Variants in DOT1L observed in about 807,000 individuals in gnomAD.
The protein encoded by DOT1L is DOT1 like histone lysine methyltransferase, also known as histone-lysine N-methyltransferase, H3 lysine-79 specific.
A neutral mutation model predicts 153.3 loss-of-function variants in DOT1L; 33 were observed. The observed-to-expected ratio is 0.22, with a 90% CI of 0.16 to 0.29. The LOEUF (loss-of-function observed/expected upper bound fraction) is 0.29. Ranked by LOEUF, DOT1L falls within the 10% of genes least tolerant of loss-of-function variation. The pLI, the probability that DOT1L is intolerant of heterozygous loss-of-function variation, is 1.00. For missense variants in DOT1L, 1,847 were observed against 2,119.9 expected, an observed-to-expected ratio of 0.87 and a Z score of 2.53; for synonymous variants, 1,135 against 965.1, an observed-to-expected ratio of 1.18 and a Z score of -3.26.
intron 1 of DOT1L, among the ~76,000 whole-genome samples, chr19:2,172,718 T>TG (rs1480159915): frequency 1.3e-5 from 2 of 152,064 alleles, no homozygotes; most frequent in African/African-American, 4.8e-5. Flanking sequence ...TTAATCAGGC[T>TG]GGTCTCAAAC....
rs2023667417 is a variant in DOT1L at position 2,210,486 on chromosome 19, G to A, written c.1092G>A (p.Val364=). 1.1e-5 allele frequency: 18 copies of A among 1,593,036 alleles called. No homozygotes were observed. The highest frequency in any genetic ancestry group is 1.5e-5 in the Non-Finnish European group (18 of 1,171,466). The part of the protein sequence containing the change: ...ATPTKGPEGK[V]AGPADAPMDS... ...CCACTAAGGGCCCAGAGGGCAAGGTGGCCGGCCCCGCCGACGCCCCCATGG... is the reference window on the plus strand; with the variant it reads ...CCACTAAGGGCCCAGAGGGCAAGGTAGCCGGCCCCGCCGACGCCCCCATGG... The change falls in exon 13 of 28, where the codon GTG becomes GTA. Residue 364 remains valine (V), a synonymous_variant. Coordinates refer to ENST00000398665, the MANE Select transcript of DOT1L (RefSeq NM_032482.3).
rs766521628 is a variant in DOT1L, at chr19:2,210,825, G to A, written c.1321G>A (p.Val441Met). 9.3e-6 allele frequency: 15 copies of A among 1,612,594 alleles called. No homozygotes were observed. In the African/African-American group the frequency reaches 1.1e-4, roughly 11 times the overall value. The change falls in exon 14 of 28, where the codon GTG (valine) becomes ATG (methionine). Residue 441 changes from valine to methionine, a missense_variant. Physicochemically the swap from Val to Met is conservative, Grantham distance 21 (BLOSUM62 1). Transcript: ENST00000398665. Reference protein sequence around the residue: ...TALDALHAQTVSQTAASSPQD... With the variant: ...TALDALHAQTMSQTAASSPQD... The stretch of plus-strand genomic sequence containing the variant: ...ACTGGATGCCCTGCACGCTCAGACC[G>A]TGTCTCAGACGGCGGCCTCCTCACC...
intron 3 of DOT1L, chr19:2,188,152 C>G (rs2144729425): frequency 6.6e-6 from 1 of 152,458 alleles, no homozygotes; most frequent in East Asian, 1.9e-4. Flanking sequence ...GGCTCTTGTT[C>G]TTGGTGTTTG....
At chr19:2,188,894 G>A (rs1459997027) in intron 3 of DOT1L, among the ~76,000 whole-genome samples, 1 of 152,200 alleles carries the variant, frequency 6.6e-6, no homozygotes, top group Admixed American at 6.5e-5. Context: ...GGGCCGCGTG[G>A]CCGGTGTTTC....
intron 26 of DOT1L, 57 bp from the exon 27 acceptor site, chr19:2,226,126 A>C: frequency 6.8e-7 from 1 of 1,476,308 alleles, no homozygotes; most frequent in Non-Finnish European, 9.0e-7. Context: ...GGTTAGCCTC[A>C]TGGGTAGCCC....
chr19:2,201,547 C>T (rs546029763), intron 8 of DOT1L, among the ~76,000 whole-genome samples: 6 of 152,292 alleles, frequency 3.9e-5, no homozygotes, highest in Admixed American at 1.3e-4. Context: ...TTCCTAGGTT[C>T]GCTCTCCTGT....
intron 1 of DOT1L, among the ~76,000 whole-genome samples, chr19:2,168,577 G>C (rs1029123964): frequency 6.6e-6 from 1 of 152,136 alleles, no homozygotes; most frequent in Non-Finnish European, 1.5e-5. Flanking sequence ...TACATGACCT[G>C]GGAGTTCCTG....
At chr19:2,182,731 G>A (rs907944337) in intron 2 of DOT1L, among the ~76,000 whole-genome samples, 7 of 152,184 alleles carry the variant, frequency 4.6e-5, no homozygotes, top group African/African-American at 1.4e-4. Flanking sequence ...GCTCCCCATG[G>A]GAAGGGGCCT....
intron 15 of DOT1L, 53 bp from the exon 16 acceptor site, chr19:2,211,698 C>G: frequency 6.8e-7 from 1 of 1,475,732 alleles, no homozygotes; most frequent in Non-Finnish European, 9.2e-7. Flanking sequence ...CCCACCTCTT[C>G]CCTCTCAGTC....
chr19:2,171,009 C>G (rs1329707925), intron 1 of DOT1L, among the ~76,000 whole-genome samples: 2 of 152,176 alleles, frequency 1.3e-5, no homozygotes, highest in Non-Finnish European at 2.9e-5. Flanking sequence ...GTCACCCAGG[C>G]TGGAGTGCAG....
chr19:2,220,346 A>G lies in DOT1L; in HGVS notation c.2806+124A>G, dbSNP rs1599610871. ...GGTGATCATGGGGGCTGCTGCCCCA[A>G]ACCGCCACGCCTCATTACTGACACC... On this transcript the variant is annotated intron_variant, in intron 23 of 27. Transcript: ENST00000398665. The surrounding 1 kb of genome is among the most constrained non-coding windows in gnomAD (Gnocchi z 4.5). 1 of 935,372 alleles carries G rather than the reference A, an allele frequency of 1.1e-6. No homozygotes were observed. The highest frequency in any genetic ancestry group is 1.7e-6 in the Non-Finnish European group (1 of 597,914). The allele number at this position is 935,372 out of a possible 1,614,324, so 57.9% of individuals were successfully genotyped here. A position where few individuals can be genotyped will look rare whatever the true frequency, so the allele number is the denominator to read the frequency against.
chr19:2,214,247 A>T, intron 18 of DOT1L: 7 of 870,766 alleles, frequency 8.0e-6, no homozygotes, highest in Non-Finnish European at 1.2e-5. Flanking sequence ...TCATGCGAGC[A>T]TCCCACCATC....
At chr19:2,203,678 T>C (rs2023382907) in intron 9 of DOT1L, among the ~76,000 whole-genome samples, 1 of 152,224 alleles carries the variant, frequency 6.6e-6, no homozygotes, top group South Asian at 2.1e-4. Context: ...TCGAGGGTGG[T>C]ACCCAGACCA....
intron 25 of DOT1L, 21 bp downstream of exon 25, chr19:2,223,507 G>A (rs550610096): frequency 2.5e-6 from 4 of 1,586,564 alleles, no homozygotes; most frequent in African/African-American, 1.4e-5. Context: ...GGGCCCGGAG[G>A]GGGGCGGGGC....
At chr19:2,187,013 C>T (rs2022542142) in intron 3 of DOT1L, among the ~76,000 whole-genome samples, 1 of 152,214 alleles carries the variant, frequency 6.6e-6, no homozygotes, top group African/African-American at 2.4e-5. Context: ...AAGCTCTGCA[C>T]CCTGTGCTTT....
At chr19:2,178,951 G>A (rs1392110531) in intron 1 of DOT1L, among the ~76,000 whole-genome samples, 1 of 152,158 alleles carries the variant, frequency 6.6e-6, no homozygotes, top group Admixed American at 6.5e-5. Context: ...ACCCTGATCC[G>A]AACCAGGAGG....
intron 5 of DOT1L, among the ~76,000 whole-genome samples, chr19:2,192,629 C>T (rs2022844104): frequency 6.8e-6 from 1 of 146,082 alleles, no homozygotes; most frequent in Non-Finnish European, 1.5e-5. Context: ...GACGAGATCG[C>T]ATCACGGCAC....
chr19:2,195,416 C>G (rs766106847), intron 7 of DOT1L, among the ~76,000 whole-genome samples: 17 of 152,152 alleles, frequency 1.1e-4, no homozygotes, highest in Non-Finnish European at 2.2e-4. Context: ...CTGATGGCGC[C>G]CCGGGCCCAT....
Position 2,220,259 on chromosome 19 carries a change from C to G in DOT1L, c.2806+37C>G. 1.3e-6 allele frequency: 2 copies of G among 1,568,728 alleles called. No individual in the cohort carries two copies. The highest frequency in any genetic ancestry group is 1.7e-6 in the Non-Finnish European group (2 of 1,150,862). The stretch of plus-strand genomic sequence containing the variant: ...CCTGTGCCCTACCCTCAGGACTCTG[C>G]TGCTGCTGCTGCTCTTCAGGCAGGA... On this transcript the variant is annotated intron_variant, in intron 23 of 27. Transcript: ENST00000398665. This position sits in a 1 kb window ranked among gnomAD's most constrained non-coding sequence, Gnocchi z 4.5.
Sources: gnomAD v4.1 joint callset for allele counts (sites outside exome capture counted in the v4.1 genomes callset) on GRCh38, gnomAD v4.1.1 for gene constraint, Gnocchi (gnomAD v3.1) non-coding constraint, MANE v1.5 for transcripts, NCBI Gene and HGNC (gene_info 2026-07-23, HGNC 2026-07-21) for gene names.